MESP1: variants seen among roughly 807,000 people sequenced by gnomAD.
MESP1 encodes mesoderm posterior protein 1.
Under a neutral mutation model 15.2 loss-of-function variants are expected in MESP1, and 22 were observed. That is an observed-to-expected ratio of 1.45 (90% CI 1.04 to 2.07). The LOEUF is 2.07. MESP1 is among the 30% of genes most tolerant of loss of function. The pLI is 0.00. For missense variants in MESP1, 484 were observed against 411.9 expected (o/e 1.17, Z -1.51); for synonymous variants, 216 against 192.6 (o/e 1.12, Z -1.01).
chr15:89,738,234 G>A, the MESP1 span: 1 of 1,604,780 alleles, frequency 6.2e-7, no homozygotes, highest in South Asian at 1.1e-5. Context: ...TCCTCCAGAA[G>A]AGGTAAAGAG....
downstream of MESP1, chr15:89,749,291 G>A (rs1216904864): frequency 6.6e-6 from 1 of 152,252 alleles, no homozygotes; most frequent in African/African-American, 2.4e-5. Flanking sequence ...ACAAGGTGGG[G>A]AAACCAGAGA....
chr15:89,732,615 C>CCA, the MESP1 span, among the ~76,000 whole-genome samples: 19,168 of 148,370 alleles, frequency 0.13, 1,455 homozygotes, highest in African/African-American at 0.22. Flanking sequence ...TGTTGTTTGG[C>CCA]CACACACACA....
chr15:89,736,234 C>T, the MESP1 span, among the ~76,000 whole-genome samples: 2 of 152,204 alleles, frequency 1.3e-5, no homozygotes, highest in Admixed American at 6.5e-5. Context: ...GAGAGGGAAG[C>T]GTGCGCGGTT....
chr15:89,746,718 C>T (rs1967966364), downstream of MESP1, among the ~76,000 whole-genome samples: 1 of 147,638 alleles, frequency 6.8e-6, no homozygotes, highest in Non-Finnish European at 1.5e-5. Context: ...TCCACACACA[C>T]ACAGCCCTAC....
chr15:89,749,734 T>TG (rs145627061), downstream of MESP1: 2 of 170,784 alleles, frequency 1.2e-5, no homozygotes, highest in East Asian at 1.5e-4. Context: ...GAGCCAGGGC[T>TG]GGGGGTAAGG....
At chr15:89,747,609 GC>G (rs1008326401), downstream of MESP1, among the ~76,000 whole-genome samples, 1 of 151,400 alleles carries the variant, frequency 6.6e-6, no homozygotes, top group African/African-American at 2.5e-5. Context: ...GAGGTGAGGC[GC>G]CCCCCAGTAC....
the MESP1 span, among the ~76,000 whole-genome samples, chr15:89,736,652 CAAG>C: frequency 2.6e-5 from 4 of 152,022 alleles, no homozygotes; most frequent in African/African-American, 9.7e-5. Flanking sequence ...GCAGAAAAAC[CAAG>C]AACATGGTGG....
At chr15:89,736,982 G>A in the MESP1 span, among the ~76,000 whole-genome samples, 30 of 152,066 alleles carry the variant, frequency 2.0e-4, no homozygotes, top group Non-Finnish European at 4.3e-4. Context: ...TAGTAGAGAC[G>A]AGGTTTCACC....
At chr15:89,735,568 C>T in the MESP1 span, 1 of 1,612,772 alleles carries the variant, frequency 6.2e-7, no homozygotes, top group South Asian at 1.1e-5. Context: ...GTTCCCCATG[C>T]CTCTCTGTAA....
the MESP1 span, among the ~76,000 whole-genome samples, chr15:89,732,641 A>ACG: frequency 4.7e-5 from 7 of 149,570 alleles, no homozygotes; most frequent in African/African-American, 1.8e-4. Context: ...ACACACACAC[A>ACG]CCGCCTTTTC....
At chr15:89,737,592 A>G in the MESP1 span, 3 of 1,614,198 alleles carry the variant, frequency 1.9e-6, no homozygotes, top group East Asian at 6.7e-5. Context: ...TTTTCCAAGA[A>G]TGGCTCTGTG....
chr15:89,750,887 G>C lies in MESP1; in HGVS notation c.345C>G (p.Pro115=). The C allele has an allele frequency of 6.7e-7, 1 of 1,498,894 alleles. No homozygotes were observed. The highest frequency in any genetic ancestry group is 8.8e-7 in the Non-Finnish European group (1 of 1,130,196). The allele number at this position is 1,498,894 out of a possible 1,614,324, so 92.8% of individuals were successfully genotyped here. A position where few individuals can be genotyped will look rare whatever the true frequency, so the allele number is the denominator to read the frequency against. Residue 115 remains proline, a synonymous_variant, in exon 1 of 2, where the codon CCC becomes CCG. Transcript: ENST00000300057. ...CGATCTTGGTCAGGCTCTGGCCCGC[G>C]GGCGCCACGGACGGCGGTAGAAAGC... is the stretch of plus-strand genomic sequence containing the variant. The part of the protein sequence containing the change: ...LRRFLPPSVA[P]AGQSLTKIET...
rs375208712 is a variant in MESP1 at position 89,750,095 on chromosome 15, G to C, written c.*49C>G. The C allele has an allele frequency of 1.9e-6, 3 of 1,571,468 alleles. No individual in the cohort carries two copies. Among genetic ancestry groups the C allele is most frequent in the Non-Finnish European group, 1.8e-6 (2 of 1,141,422 alleles). ...GCCAAGGAACCACTTCGAAGGTGCT[G>C]AGGCCAAAAAGCCTCGGTGCTCACA... On this transcript the variant is annotated 3_prime_UTR_variant, in exon 2 of 2. Coordinates refer to ENST00000300057, the MANE Select transcript of MESP1 (RefSeq NM_018670.4).
At chr15:89,750,313 G>A (rs923314076) in intron 1 of MESP1, 86 bp from the exon 2 acceptor site, 2 of 1,574,260 alleles carry the variant, frequency 1.3e-6, no homozygotes, top group South Asian at 1.1e-5. Flanking sequence ...CTCTCAGGGG[G>A]CCCCTAGCGA....
chr15:89,749,771 C>T (rs76902989), downstream of MESP1: 4 of 215,666 alleles, frequency 1.9e-5, no homozygotes, highest in Non-Finnish European at 3.9e-5. Flanking sequence ...CTGTGGGGGT[C>T]GGGGGGCTAA....
chr15:89,745,743 G>A (rs1457110617), downstream of MESP1, among the ~76,000 whole-genome samples: 4 of 151,864 alleles, frequency 2.6e-5, no homozygotes, highest in South Asian at 2.1e-4. This position sits in a 1 kb window ranked among gnomAD's most constrained non-coding sequence, Gnocchi z 4.8. Flanking sequence ...CAGCCTGGGC[G>A]AAAGAGCGAG....
At chr15:89,740,533 C>T in the MESP1 span, among the ~76,000 whole-genome samples, 1 of 152,160 alleles carries the variant, frequency 6.6e-6, no homozygotes, top group Non-Finnish European at 1.5e-5. Context: ...CAGAGTTTCA[C>T]TCTTATCACC....
downstream of MESP1, among the ~76,000 whole-genome samples, chr15:89,746,006 C>G (rs1354104777): frequency 2.0e-5 from 3 of 150,884 alleles, no homozygotes; most frequent in Non-Finnish European, 4.4e-5. Context: ...CACACCTCCA[C>G]ACATACACAC....
In MESP1 at chr15:89,750,026, C is replaced by G. The variant is rs374676652; in HGVS notation, c.*118G>C. 16 of 992,830 alleles carry G rather than the reference C, an allele frequency of 1.6e-5. No homozygotes were observed. The African/African-American group carries it at 1.9e-4, about 12-fold the overall frequency. The allele number at this position is 992,830 out of a possible 1,614,324, so 61.5% of individuals were successfully genotyped here. A position where few individuals can be genotyped will look rare whatever the true frequency, so the allele number is the denominator to read the frequency against. The stretch of plus-strand genomic sequence containing the variant: ...GGGACGGCTCTCACCCGCAGGAATG[C>G]CCCCGTCGGGATCGCCCGTGCCCTC... On this transcript the variant is annotated 3_prime_UTR_variant, in exon 2 of 2. Transcript: ENST00000300057.
Sources: gnomAD v4.1 joint callset for allele counts (sites outside exome capture counted in the v4.1 genomes callset) on GRCh38, gnomAD v4.1.1 for gene constraint, Gnocchi (gnomAD v3.1) non-coding constraint, MANE v1.5 for transcripts, NCBI Gene and HGNC (gene_info 2026-07-23, HGNC 2026-07-21) for gene names.